CFAP61: variants seen among roughly 807,000 people sequenced by gnomAD.
CFAP61 encodes the protein cilia and flagella associated protein 61.
In CFAP61, 107 loss-of-function variants were observed where a neutral mutation model predicts 135.6. That is an observed-to-expected ratio of 0.79 (90% CI 0.67 to 0.93). CFAP61 has a LOEUF of 0.93. Among genes scored for constraint, CFAP61 ranks in the 40% least tolerant of loss-of-function variants. The pLI is 0.00. For synonymous variants in CFAP61, 575 were observed against 578.5 expected, an observed-to-expected ratio of 0.99 and a Z score of 0.09; for missense variants, 1,507 against 1,556.2, an observed-to-expected ratio of 0.97 and a Z score of 0.53.
intron 2 of CFAP61, among the ~76,000 whole-genome samples, chr20:20,060,121 C>T (rs1446131537): frequency 6.6e-6 from 1 of 150,400 alleles, no homozygotes; most frequent in Non-Finnish European, 1.5e-5. Flanking sequence ...AAAGATTAGA[C>T]TAATAGATTT....
At chr20:20,335,956 C>A (rs1428053650) in intron 25 of CFAP61, among the ~76,000 whole-genome samples, 1 of 152,188 alleles carries the variant, frequency 6.6e-6, no homozygotes, top group Non-Finnish European at 1.5e-5. Context: ...TGACCTTGGG[C>A]AACTCATTTA....
intron 21 of CFAP61, among the ~76,000 whole-genome samples, chr20:20,268,608 C>G (rs968122759): frequency 6.6e-6 from 1 of 152,138 alleles, no homozygotes; most frequent in Admixed American, 6.5e-5. Flanking sequence ...GTAAATTACC[C>G]TAAACTATTA....
intron 8 of CFAP61, among the ~76,000 whole-genome samples, chr20:20,129,975 T>G (rs1568967921): frequency 1.3e-5 from 2 of 151,778 alleles, no homozygotes; most frequent in African/African-American, 4.9e-5. Flanking sequence ...ATTTATGAAT[T>G]GCTCTTTTGT....
At chr20:20,253,502 T>C in intron 20 of CFAP61, 1 of 436,932 alleles carries the variant, frequency 2.3e-6, no homozygotes, top group Non-Finnish European at 4.5e-6. Flanking sequence ...TTTGTTCACC[T>C]GGCTATGCTC....
intron 6 of CFAP61, among the ~76,000 whole-genome samples, chr20:20,077,002 T>G (rs974201): frequency 0.76 from 115,411 of 152,138 alleles, 44,106 homozygotes; most frequent in East Asian, 0.92. Context: ...AAGGGCCCAA[T>G]AAATATTAAA....
chr20:20,078,868 AG>A (rs2146586759), intron 6 of CFAP61, among the ~76,000 whole-genome samples: 1 of 152,358 alleles, frequency 6.6e-6, no homozygotes, highest in East Asian at 1.9e-4. Context: ...AAACTGACCA[AG>A]AAAAAAGACA....
chr20:20,112,603 A>T (rs1403812349), intron 8 of CFAP61, among the ~76,000 whole-genome samples: 1 of 152,166 alleles, frequency 6.6e-6, no homozygotes, highest in African/African-American at 2.4e-5. Context: ...TAAAAGGGTC[A>T]TCATTCTTCT....
intron 6 of CFAP61, among the ~76,000 whole-genome samples, chr20:20,087,694 T>C (rs1164813164): frequency 1.3e-5 from 2 of 152,282 alleles, no homozygotes; most frequent in Non-Finnish European, 2.9e-5. Context: ...GTAATAATGA[T>C]AATAACAATA....
intron 17 of CFAP61, among the ~76,000 whole-genome samples, chr20:20,210,621 C>T (rs1569135817): frequency 6.6e-6 from 1 of 152,176 alleles, no homozygotes; most frequent in Non-Finnish European, 1.5e-5. Context: ...CAGCGACAGA[C>T]ACATGAAACA....
chr20:20,275,856 T>A (rs771783188), intron 21 of CFAP61, among the ~76,000 whole-genome samples: 5 of 152,206 alleles, frequency 3.3e-5, no homozygotes, highest in African/African-American at 1.2e-4. Context: ...GCCTCAATAA[T>A]TTAAGCAAAA....
At chr20:20,105,347 G>A (rs929271788) in intron 8 of CFAP61, among the ~76,000 whole-genome samples, 2 of 152,072 alleles carry the variant, frequency 1.3e-5, no homozygotes, top group Non-Finnish European at 2.9e-5. Context: ...GAGTTCTGGG[G>A]CCCATTATAG....
intron 15 of CFAP61, among the ~76,000 whole-genome samples, chr20:20,195,844 C>T (rs947777612): frequency 4.6e-5 from 7 of 151,980 alleles, no homozygotes; most frequent in African/African-American, 4.8e-5. Flanking sequence ...TTTGGGAGGC[C>T]GAGACAGGCA....
intron 2 of CFAP61, among the ~76,000 whole-genome samples, chr20:20,057,103 C>G (rs543612098): frequency 7.3e-6 from 1 of 136,954 alleles, no homozygotes; most frequent in Non-Finnish European, 1.5e-5. Flanking sequence ...GATGACAGAG[C>G]GGACCCCTGT....
At chr20:20,152,211 A>T (rs1366347383) in intron 9 of CFAP61, among the ~76,000 whole-genome samples, 1 of 152,318 alleles carries the variant, frequency 6.6e-6, no homozygotes, top group East Asian at 1.9e-4. Flanking sequence ...AAATACTAAA[A>T]AAAGTTCTAA....
intron 18 of CFAP61, among the ~76,000 whole-genome samples, chr20:20,240,580 T>C (rs2049947250): frequency 6.6e-6 from 1 of 152,048 alleles, no homozygotes; most frequent in Non-Finnish European, 1.5e-5. Context: ...CCATCTTTTT[T>C]TTTTTTGCCT....
intron 25 of CFAP61, among the ~76,000 whole-genome samples, chr20:20,299,868 T>G (rs1258578344): frequency 6.6e-6 from 1 of 152,226 alleles, no homozygotes; most frequent in Non-Finnish European, 1.5e-5. Flanking sequence ...GTACTTCATG[T>G]GCAGAATCTC....
intron 15 of CFAP61, among the ~76,000 whole-genome samples, chr20:20,192,670 C>G (rs2056009398): frequency 6.6e-6 from 1 of 152,128 alleles, no homozygotes; most frequent in South Asian, 2.1e-4. Context: ...TTAAACCGCC[C>G]TCCAATTATC....
chr20:20,312,091 T>C (rs1051004499), intron 25 of CFAP61, among the ~76,000 whole-genome samples: 1 of 152,128 alleles, frequency 6.6e-6, no homozygotes, highest in African/African-American at 2.4e-5. Context: ...ACTGAAAATT[T>C]CCACACCTAA....
intron 13 of CFAP61, among the ~76,000 whole-genome samples, chr20:20,171,471 G>A (rs2054217482): frequency 6.6e-6 from 1 of 152,158 alleles, no homozygotes; most frequent in South Asian, 2.1e-4. Context: ...ACCTGTAAGT[G>A]AAGTTTAATG....
Sources: allele counts gnomAD v4.1 joint callset (sites outside exome capture counted in the v4.1 genomes callset), GRCh38; gene constraint gnomAD v4.1.1; transcripts MANE v1.5; gene names NCBI Gene and HGNC (gene_info 2026-07-23, HGNC 2026-07-21).